The following SGK3 variants were observed in gnomAD, a reference collection of about 807,000 sequenced individuals.
The protein encoded by SGK3 is serum/glucocorticoid regulated kinase family member 3, also known as serine/threonine-protein kinase Sgk3.
A neutral mutation model predicts 68.5 loss-of-function variants in SGK3; 47 were observed. The ratio of observed to expected loss-of-function variants is 0.69; its 90% CI spans 0.54 to 0.87. SGK3 has a LOEUF of 0.87. SGK3 is among the 40% of genes least tolerant of loss of function. The pLI is 0.00. For missense variants in SGK3, 479 were observed against 575.5 expected (o/e 0.83, Z 1.72); for synonymous variants, 181 against 189.1 (o/e 0.96, Z 0.35).
At chr8:66,746,016 A>G (rs1403966605) in intron 1 of SGK3, among the ~76,000 whole-genome samples, 3 of 152,230 alleles carry the variant, frequency 2.0e-5, no homozygotes, top group Non-Finnish European at 4.4e-5. Flanking sequence ...TAGCAGATTT[A>G]TTAAAGCTGA....
chr8:66,737,374 G>A (rs1455030737), intron 1 of SGK3: 1 of 151,776 alleles, frequency 6.6e-6, no homozygotes, highest in Non-Finnish European at 1.5e-5. Context: ...AAAATTCTGA[G>A]AAGCAATAAG....
Position 66,850,828 on chromosome 8 carries a change from C to T in SGK3, c.1231-3C>T. The stretch of plus-strand genomic sequence containing the variant: ...GTAAAACAAATTTTTTTTAATATTC[C>T]AGCTTGAAATTCAGAATCATCCTTT... On this transcript the variant is annotated splice_polypyrimidine_tract_variant and splice_region_variant and intron_variant, in intron 15 of 16. Transcript: ENST00000521198. 1.3e-6 allele frequency: 2 copies of T among 1,595,290 alleles called. No individual in the cohort carries two copies. Among genetic ancestry groups the T allele is most frequent in the Non-Finnish European group, 1.7e-6 (2 of 1,170,034 alleles).
chr8:66,723,804 A>G (rs958743668), intron 1 of SGK3, among the ~76,000 whole-genome samples: 1 of 152,204 alleles, frequency 6.6e-6, no homozygotes, highest in African/African-American at 2.4e-5. Context: ...GTAGTTGTAC[A>G]CAGTTGACAA....
intron 1 of SGK3, among the ~76,000 whole-genome samples, chr8:66,744,989 C>G (rs1201819493): frequency 6.6e-6 from 1 of 151,866 alleles, no homozygotes; most frequent in Non-Finnish European, 1.5e-5. Flanking sequence ...TTTTTAGTTT[C>G]TAAGAAGTCT....
At chr8:66,732,825 A>G (rs201930994) in intron 1 of SGK3, among the ~76,000 whole-genome samples, 2 of 152,188 alleles carry the variant, frequency 1.3e-5, no homozygotes, top group Non-Finnish European at 1.5e-5. Flanking sequence ...AGCGTGGGCA[A>G]CAGACTGAGA....
chr8:66,816,659 CTAGA>C (rs769088611), intron 5 of SGK3, among the ~76,000 whole-genome samples: 38 of 151,320 alleles, frequency 2.5e-4, no homozygotes, highest in Non-Finnish European at 4.6e-4. Context: ...TTCCTATTTT[CTAGA>C]TCTTTTCTGC....
chr8:66,828,795 A>G, intron 7 of SGK3, 92 bp downstream of exon 7: 1 of 1,473,392 alleles, frequency 6.8e-7, no homozygotes, highest in Non-Finnish European at 9.5e-7. Flanking sequence ...CACTAATTTA[A>G]CTGTAGGCCT....
intron 1 of SGK3, among the ~76,000 whole-genome samples, chr8:66,742,043 A>G (rs374363432): frequency 1.2e-4 from 18 of 152,208 alleles, no homozygotes; most frequent in Admixed American, 7.9e-4. Flanking sequence ...AGTACATTAC[A>G]AGTCAAAGGA....
At chr8:66,755,225 C>A (rs553280212) in intron 1 of SGK3, among the ~76,000 whole-genome samples, 1 of 150,664 alleles carries the variant, frequency 6.6e-6, no homozygotes, top group Non-Finnish European at 1.5e-5. Context: ...CACCACTGCA[C>A]TCCAGTCCGG....
At chr8:66,724,306 G>C (rs1804913763) in intron 1 of SGK3, among the ~76,000 whole-genome samples, 2 of 152,232 alleles carry the variant, frequency 1.3e-5, no homozygotes. Flanking sequence ...AGTCCACTAA[G>C]GCTGGGCGCG....
At chr8:66,751,818 T>A (rs951371972) in intron 1 of SGK3, among the ~76,000 whole-genome samples, 5 of 152,016 alleles carry the variant, frequency 3.3e-5, no homozygotes, top group Admixed American at 1.3e-4. Flanking sequence ...CAGGCTGGAG[T>A]GCAGTGGCGC....
At chr8:66,810,573 C>A (rs796341851) in intron 4 of SGK3, among the ~76,000 whole-genome samples, 3 of 152,116 alleles carry the variant, frequency 2.0e-5, no homozygotes, top group African/African-American at 7.2e-5. Flanking sequence ...TGGTGGCATA[C>A]ACCTGTAATC....
chr8:66,817,678 T>C (rs1015141336), intron 5 of SGK3, among the ~76,000 whole-genome samples: 4 of 152,186 alleles, frequency 2.6e-5, no homozygotes, highest in African/African-American at 9.6e-5. Context: ...AAGATTACTT[T>C]ATTAAAAACA....
At chr8:66,767,691 AG>A (rs1806363469) in intron 1 of SGK3, 1 of 1,433,696 alleles carries the variant, frequency 7.0e-7, no homozygotes, top group Non-Finnish European at 9.8e-7. Flanking sequence ...CATCTGAGGC[AG>A]GAACAGAGTT....
chr8:66,733,910 G>GA (rs1421959479), intron 1 of SGK3, among the ~76,000 whole-genome samples: 3 of 152,162 alleles, frequency 2.0e-5, no homozygotes, highest in African/African-American at 7.2e-5. Context: ...GCATTGCTAT[G>GA]AATCCAAGAA....
At chr8:66,730,138 C>A (rs1805105006) in intron 1 of SGK3, among the ~76,000 whole-genome samples, 1 of 152,068 alleles carries the variant, frequency 6.6e-6, no homozygotes. Flanking sequence ...TTCTTTCTTT[C>A]TATTTTAGCC....
At chr8:66,751,714 A>G (rs1174417102) in intron 1 of SGK3, among the ~76,000 whole-genome samples, 1 of 151,982 alleles carries the variant, frequency 6.6e-6, no homozygotes, top group East Asian at 1.9e-4. Context: ...CACAATAGGA[A>G]TAATCTCTGA....
At position 66,729,471 on chromosome 8, in the gene SGK3, G is replaced by A. The variant is rs867003625; in HGVS notation, c.-122+16638G>A. 4.8e-3 allele frequency among the ~76,000 whole-genome samples: 690 copies of A among 144,942 alleles called. 4 individuals carry two copies. Among genetic ancestry groups the A allele is most frequent in the African/African-American group, 0.016 (636 of 40,202 alleles). ...ACTCCATCTCAAAGAAAAGAAAAAA[G>A]AAAAAAAAAAATCCTGTTGTATGAA... is the stretch of plus-strand genomic sequence containing the variant. On this transcript the variant is annotated intron_variant, in intron 1 of 16. Coordinates refer to ENST00000521198, the MANE Select transcript of SGK3 (RefSeq NM_001033578.3).
chr8:66,713,352 C>T (rs1157664892), intron 1 of SGK3, among the ~76,000 whole-genome samples: 1 of 152,210 alleles, frequency 6.6e-6, no homozygotes, highest in Non-Finnish European at 1.5e-5. Context: ...GGAATGTACC[C>T]ACAAGAAGTG....
Sources: gnomAD v4.1 joint callset for allele counts (sites outside exome capture counted in the v4.1 genomes callset) on GRCh38, gnomAD v4.1.1 for gene constraint, MANE v1.5 for transcripts, NCBI Gene and HGNC (gene_info 2026-07-23, HGNC 2026-07-21) for gene names.